Variants in NPIPA1 observed in about 807,000 individuals in gnomAD.
The protein encoded by NPIPA1 is nuclear pore complex-interacting protein family member A1.
For synonymous variants in NPIPA1, 7 were observed against 88.0 expected (o/e 0.08, Z 5.15); for missense variants, 22 against 232.2 (o/e 0.09, Z 5.88).
chr16:14,944,406 GA>G (rs1965828497), intron 2 of NPIPA1, among the ~76,000 whole-genome samples: 1 of 151,430 alleles, frequency 6.6e-6, no homozygotes, highest in East Asian at 2.0e-4. Context: ...AGGGACAGAA[GA>G]AAGATGCTCC....
intron 2 of NPIPA1, among the ~76,000 whole-genome samples, chr16:14,943,411 C>T (rs1324065304): frequency 6.7e-6 from 1 of 148,198 alleles, no homozygotes; most frequent in African/African-American, 2.5e-5. Flanking sequence ...CCGCCTCAGC[C>T]TCCCAAAGTG....
intron 2 of NPIPA1, among the ~76,000 whole-genome samples, chr16:14,945,317 T>C (rs1965860615): frequency 6.8e-6 from 1 of 146,382 alleles, no homozygotes; most frequent in African/African-American, 2.5e-5. Context: ...TGGTGTGATC[T>C]CGGCTCACTG....
intron 2 of NPIPA1, among the ~76,000 whole-genome samples, chr16:14,945,229 TG>T (rs1321044701): frequency 0.017 from 2,259 of 135,928 alleles, 52 homozygotes; most frequent in Middle Eastern, 0.028. Flanking sequence ...TCTTGTGTGG[TG>T]TGTGTGTGTG....
chr16:14,946,521 CTT>C (rs60690721), intron 4 of NPIPA1, among the ~76,000 whole-genome samples: 18 of 142,706 alleles, frequency 1.3e-4, no homozygotes, highest in Middle Eastern at 3.5e-3. Context: ...CACACCCAGG[CTT>C]TTTTTTTTTT....
rs1375259536 is a variant in NPIPA1, at chr16:14,942,116, TTAAA to T, written c.192+179_192+182del. Among the ~76,000 whole-genome samples, 3 of 53,842 alleles carry T rather than the reference TTAAA, an allele frequency of 5.6e-5. No homozygotes were observed. In the East Asian group the frequency reaches 2.6e-3, roughly 47 times the overall value. 35.3% of individuals were successfully genotyped at this position (53,842 alleles called of 152,430 possible). A position where few individuals can be genotyped will look rare whatever the true frequency, so the allele number is the denominator to read the frequency against. On this transcript the variant is annotated intron_variant, in intron 2 of 7. Transcript: ENST00000328085. ...ATATCTGCCATTTACATTATGAAAA[TTAAA>T]TAGGTCGGTGTTTAATAGAATGTCA... is the stretch of plus-strand genomic sequence containing the variant.
rs368691631 is a variant in NPIPA1, at chr16:14,948,296, T to C, written c.438-634T>C. On this transcript the variant is annotated intron_variant, in intron 4 of 7. Coordinates refer to ENST00000328085, the MANE Select transcript of NPIPA1 (RefSeq NM_006985.4). ...CATCCTGACTTAGGAGCCATTCCGA[T>C]CATTTCTAATTCAATAGATGCACCC... 2.7e-4 allele frequency among the ~76,000 whole-genome samples: 41 copies of C among 152,324 alleles called. No homozygotes were observed. In the South Asian group the frequency reaches 8.6e-3, roughly 32 times the overall value.
intron 1 of NPIPA1, among the ~76,000 whole-genome samples, chr16:14,941,334 C>G (rs1965748226): frequency 1.5e-5 from 2 of 134,134 alleles, no homozygotes; most frequent in African/African-American, 5.7e-5. Context: ...GCTCGGGAGG[C>G]TGAGGCAGGA....
chr16:14,951,740 A>C lies in NPIPA1; in HGVS notation c.768A>C (p.Ile256=), dbSNP rs529346310. ...QPPPPTQQHS[I]IDNSLSLKTP... ...CTCCTCCAACTCAACAACATTCTAT[A>C]ATTGATAACTCCCTGAGCCTCAAGA... The change falls in exon 8 of 8, where the codon ATA becomes ATC. Residue 256 remains isoleucine, a synonymous_variant. Coordinates refer to ENST00000328085, the MANE Select transcript of NPIPA1 (RefSeq NM_006985.4). 306 of 1,536,094 alleles carry C rather than the reference A, an allele frequency of 2.0e-4. 15 individuals are homozygous for C. The highest frequency in any genetic ancestry group is 1.8e-3 in the Middle Eastern group (8 of 4,458).
chr16:14,943,057 A>G (rs1379725837), intron 2 of NPIPA1, among the ~76,000 whole-genome samples: 3 of 152,256 alleles, frequency 2.0e-5, no homozygotes, highest in Non-Finnish European at 4.4e-5. Context: ...CAGAAAATAT[A>G]TGAGTTATGA....
chr16:14,946,593 T>C (rs1372954176), intron 4 of NPIPA1, among the ~76,000 whole-genome samples: 5 of 147,718 alleles, frequency 3.4e-5, no homozygotes, highest in Admixed American at 2.1e-4. Flanking sequence ...GGTGCAATCT[T>C]GGCTCACTGC....
At chr16:14,941,156 G>C (rs1965742690) in intron 1 of NPIPA1, among the ~76,000 whole-genome samples, 1 of 151,570 alleles carries the variant, frequency 6.6e-6, no homozygotes, top group Non-Finnish European at 1.5e-5. Context: ...CAAAAAAAAT[G>C]GCCGGGCACG....
chr16:14,938,617 G>A (rs1454585082), intron 1 of NPIPA1, among the ~76,000 whole-genome samples: 6 of 131,716 alleles, frequency 4.6e-5, no homozygotes, highest in Admixed American at 1.6e-4. Context: ...TGGGAGGATC[G>A]CTTGGGCCCA....
At chr16:14,940,827 T>C (rs1226535263) in intron 1 of NPIPA1, among the ~76,000 whole-genome samples, 2 of 117,656 alleles carry the variant, frequency 1.7e-5, no homozygotes, top group African/African-American at 6.4e-5. Context: ...TAAACTTTCT[T>C]AAAACATTAG....
At chr16:14,946,612 C>T (rs1965893145) in intron 4 of NPIPA1, among the ~76,000 whole-genome samples, 2 of 146,974 alleles carry the variant, frequency 1.4e-5, no homozygotes, top group South Asian at 4.4e-4. Flanking sequence ...GCAACCTCTG[C>T]CTCCCAGTTT....
At chr16:14,947,239 A>T (rs1486805066) in intron 4 of NPIPA1, among the ~76,000 whole-genome samples, 1 of 152,256 alleles carries the variant, frequency 6.6e-6, no homozygotes, top group Non-Finnish European at 1.5e-5. Flanking sequence ...GATACTTGTT[A>T]AAAAATATTT....
At chr16:14,947,247 T>C (rs1359836046) in intron 4 of NPIPA1, among the ~76,000 whole-genome samples, 1 of 152,240 alleles carries the variant, frequency 6.6e-6, no homozygotes, top group Non-Finnish European at 1.5e-5. Context: ...TTAAAAAATA[T>C]TTAACAATGA....
chr16:14,946,688 ATTTTTTT>A (rs57059259), intron 4 of NPIPA1, among the ~76,000 whole-genome samples: 1 of 89,978 alleles, frequency 1.1e-5, no homozygotes, highest in Non-Finnish European at 2.1e-5. Context: ...CATTCGGCCA[ATTTTTTT>A]TTTTTTTTTT....
intron 2 of NPIPA1, among the ~76,000 whole-genome samples, chr16:14,943,523 T>A (rs1412994721): frequency 8.8e-4 from 131 of 148,950 alleles, no homozygotes; most frequent in Non-Finnish European, 7.7e-4. Flanking sequence ...GCTGTTGGAC[T>A]TGGACAACTT....
chr16:14,941,422 G>A (rs1337307982), intron 1 of NPIPA1: 3 of 224,314 alleles, frequency 1.3e-5, no homozygotes, highest in Non-Finnish European at 2.5e-5. Context: ...GCGACTGAGT[G>A]GAGCGGAACT....
Sources: gnomAD v4.1 joint callset for allele counts (sites outside exome capture counted in the v4.1 genomes callset) on GRCh38, gnomAD v4.1.1 for gene constraint, MANE v1.5 for transcripts, NCBI Gene and HGNC (gene_info 2026-07-23, HGNC 2026-07-21) for gene names.